BPIFB6: variants seen among roughly 807,000 people sequenced by gnomAD.
The protein encoded by BPIFB6 is BPI fold-containing family B member 6.
In BPIFB6, 47 loss-of-function variants were observed where a neutral mutation model predicts 54.7. The ratio of observed to expected loss-of-function variants is 0.86; its 90% CI spans 0.68 to 1.10. BPIFB6 has a LOEUF of 1.10. BPIFB6 is among the 50% of genes least tolerant of loss of function. The pLI, the probability that BPIFB6 is intolerant of heterozygous loss-of-function variation, is 0.00. For missense variants in BPIFB6, 603 were observed against 564.1 expected, an observed-to-expected ratio of 1.07 and a Z score of -0.70; for synonymous variants, 255 against 225.9, an observed-to-expected ratio of 1.13 and a Z score of -1.16.
intron 10 of BPIFB6, among the ~76,000 whole-genome samples, chr20:33,039,756 A>G (rs1434333100): frequency 6.6e-6 from 1 of 152,236 alleles, no homozygotes; most frequent in East Asian, 1.9e-4. Flanking sequence ...TTCAGCAACT[A>G]CAAAGGCAGT....
At chr20:33,034,977 T>G in intron 4 of BPIFB6, 65 bp downstream of exon 4, 2 of 1,606,370 alleles carry the variant, frequency 1.2e-6, no homozygotes, top group Non-Finnish European at 1.7e-6. Flanking sequence ...GCATATCACT[T>G]CCTGAGCCAT....
intron 5 of BPIFB6, 61 bp from the exon 6 acceptor site, chr20:33,035,551 C>T: frequency 2.6e-6 from 4 of 1,556,122 alleles, no homozygotes; most frequent in Non-Finnish European, 3.5e-6. Context: ...GTGTACCATT[C>T]AGCTGTGTGG....
At chr20:33,043,904 G>A (rs1366401346) in intron 14 of BPIFB6, 111 bp from the exon 15 acceptor site, 1 of 1,367,084 alleles carries the variant, frequency 7.3e-7, no homozygotes, top group African/African-American at 1.4e-5. Flanking sequence ...TTCAACCTTT[G>A]CTTAACCACC....
intron 3 of BPIFB6, among the ~76,000 whole-genome samples, chr20:33,034,496 G>A (rs1340896966): frequency 6.6e-6 from 1 of 152,250 alleles, no homozygotes; most frequent in Non-Finnish European, 1.5e-5. Flanking sequence ...GCATTGAACA[G>A]TGGTGGCGGA....
At chr20:33,033,164 C>T (rs1439129647) in intron 2 of BPIFB6, 81 bp downstream of exon 2, 2 of 1,066,898 alleles carry the variant, frequency 1.9e-6, no homozygotes, top group East Asian at 2.4e-5. Flanking sequence ...CTTAGCAGGC[C>T]AGGTAATGGA....
At chr20:33,035,549 T>C (rs369472518) in intron 5 of BPIFB6, 63 bp from the exon 6 acceptor site, 13 of 1,551,104 alleles carry the variant, frequency 8.4e-6, no homozygotes, top group African/African-American at 2.7e-5. Flanking sequence ...TGGTGTACCA[T>C]TCAGCTGTGT....
chr20:33,031,768 G>T (rs1054333466), intron 1 of BPIFB6, 24 bp downstream of exon 1: 2 of 1,607,718 alleles, frequency 1.2e-6, no homozygotes, highest in Non-Finnish European at 1.7e-6. Flanking sequence ...GGGCCCGGGC[G>T]TGCAGCTGGG....
At chr20:33,034,344 C>A in intron 3 of BPIFB6, 54 bp downstream of exon 3, 2 of 1,207,982 alleles carry the variant, frequency 1.7e-6, no homozygotes, top group Non-Finnish European at 2.5e-6. Flanking sequence ...CCTGTCTCAT[C>A]CTTACATGCA....
chr20:33,038,056 T>C (rs745957621), intron 8 of BPIFB6, among the ~76,000 whole-genome samples: 5 of 152,216 alleles, frequency 3.3e-5, no homozygotes, highest in Non-Finnish European at 5.9e-5. Context: ...CTAGCTGTCA[T>C]GTATTCATCA....
intron 2 of BPIFB6, 53 bp downstream of exon 2, chr20:33,033,136 G>A (rs1979177235): frequency 1.5e-6 from 2 of 1,367,896 alleles, no homozygotes; most frequent in African/African-American, 2.8e-5. Flanking sequence ...GGGTGGTGGG[G>A]ATTGCTGTGC....
chr20:33,043,482 C>A, intron 14 of BPIFB6, 115 bp downstream of exon 14: 1 of 938,838 alleles, frequency 1.1e-6, no homozygotes, highest in Non-Finnish European at 1.7e-6. Flanking sequence ...GGCAGGTGGC[C>A]ATCAATATAA....
chr20:33,039,245 G>T, intron 9 of BPIFB6, 102 bp from the exon 10 acceptor site: 4 of 1,218,152 alleles, frequency 3.3e-6, no homozygotes, highest in Non-Finnish European at 4.6e-6. Context: ...TGTACTTCCT[G>T]TGTCCAACGT....
In BPIFB6 at chr20:33,037,778, A is replaced by G. The variant is rs200612170; in HGVS notation, c.846+40A>G. The G allele has an allele frequency of 1.9e-6, 3 of 1,598,658 alleles. No homozygotes were observed. In the South Asian group the frequency reaches 3.3e-5, roughly 18 times the overall value. On this transcript the variant is annotated intron_variant, in intron 8 of 14. Coordinates refer to ENST00000349552, the MANE Select transcript of BPIFB6 (RefSeq NM_174897.2). ...TCCCCATTTCCATCTGCCTCTGTCCATTACAATGCAGTCCCTGCCTAGTTT... is the reference window on the plus strand; with the variant it reads ...TCCCCATTTCCATCTGCCTCTGTCCGTTACAATGCAGTCCCTGCCTAGTTT...
At chr20:33,038,248 G>GCCATCCATCCATCCAA (rs1226971718) in intron 8 of BPIFB6, among the ~76,000 whole-genome samples, 4 of 151,912 alleles carry the variant, frequency 2.6e-5, no homozygotes, top group Non-Finnish European at 4.4e-5. Context: ...CACTCATTCA[G>GCCATCCATCCATCCAA]CCATCCATCC....
rs753929307 is a variant in BPIFB6 at position 33,035,665 on chromosome 20, C to A, written c.570C>A (p.Asn190Lys). ...TGTATGTGAACAGGAAGTGGACCAA[C>A]CTCAGTGGTGAGTGTAGCCCTACCC... ...VLVYVNRKWT[N>K]LSDPMPVGQM... is the part of the protein sequence containing the mutation. The change falls in exon 6 of 15, where the codon AAC becomes AAA. Residue 190 changes from asparagine (N) to lysine (K), a missense_variant. Asn to Lys is a moderately conservative substitution (Grantham distance 94). Coordinates refer to ENST00000349552, the MANE Select transcript of BPIFB6 (RefSeq NM_174897.2). The A allele has an allele frequency of 5.6e-6, 9 of 1,613,964 alleles. No individual in the cohort carries two copies. The East Asian group carries it at 1.8e-4, about 32-fold the overall frequency.
rs1173013469 is a variant in BPIFB6 at position 33,040,397 on chromosome 20, G to A, written c.1142+79G>A. 5 of 1,383,256 alleles carry A rather than the reference G, an allele frequency of 3.6e-6. No individual in the cohort carries two copies. The South Asian group carries it at 4.8e-5, about 13-fold the overall frequency. 85.7% of individuals were successfully genotyped at this position (1,383,256 alleles called of 1,614,324 possible). On this transcript the variant is annotated intron_variant, in intron 11 of 14. Transcript: ENST00000349552. ...CTGATCTAGCACACCCCACACTACC[G>A]AGCTGATCCACCCAGCACACCCCCA...
chr20:33,037,160 A>C (rs1979378315), intron 7 of BPIFB6, among the ~76,000 whole-genome samples: 1 of 152,184 alleles, frequency 6.6e-6, no homozygotes, highest in Non-Finnish European at 1.5e-5. Flanking sequence ...ACGTGAAGTA[A>C]AATGGCAAGA....
At chr20:33,036,352 G>A in intron 6 of BPIFB6, 93 bp from the exon 7 acceptor site, 1 of 1,054,934 alleles carries the variant, frequency 9.5e-7, no homozygotes, top group Middle Eastern at 2.1e-4. Flanking sequence ...GTCACGTGGA[G>A]GGCCAGGTGC....
Position 33,033,006 on chromosome 20 carries a change from G to T in BPIFB6, c.120G>T (p.Glu40Asp). 1 of 1,614,048 alleles carries T rather than the reference G, an allele frequency of 6.2e-7. No homozygotes were observed. The highest frequency in any genetic ancestry group is 1.6e-4 in the Middle Eastern group (1 of 6,062). ...CAGAGGTCCAGAGCGCCATGGATGAGAGTCATATCCTGGAGAAGATGGCAG... is the reference window on the plus strand; with the variant it reads ...CAGAGGTCCAGAGCGCCATGGATGATAGTCATATCCTGGAGAAGATGGCAG... The part of the protein sequence containing the change: ...IMNQVQSAMD[E>D]SHILEKMAAE... Residue 40 changes from glutamate (E) to aspartate (D), a missense_variant, in exon 2 of 15, where the codon GAG (glutamate) becomes GAT (aspartate). Physicochemically the swap from Glu to Asp is conservative, Grantham distance 45 (BLOSUM62 2). Coordinates refer to ENST00000349552, the MANE Select transcript of BPIFB6 (RefSeq NM_174897.2).
Sources: gnomAD v4.1 joint callset for allele counts (sites outside exome capture counted in the v4.1 genomes callset) on GRCh38, gnomAD v4.1.1 for gene constraint, MANE v1.5 for transcripts, NCBI Gene and HGNC (gene_info 2026-07-23, HGNC 2026-07-21) for gene names.